Variants in LCK observed in about 807,000 individuals in gnomAD.
LCK encodes the protein tyrosine-protein kinase Lck.
LCK carries 14 observed loss-of-function variants against 64.6 expected under a neutral mutation model. The ratio of observed to expected loss-of-function variants is 0.22; its 90% confidence interval spans 0.14 to 0.34. The LOEUF (loss-of-function observed/expected upper bound fraction) is 0.34, where lower values mean the gene tolerates loss of function less well. Ranked by LOEUF, LCK falls within the 10% of genes least tolerant of loss-of-function variation. LCK has a pLI of 1.00. For missense variants in LCK, 434 were observed against 668.1 expected (o/e 0.65, Z 3.86); for synonymous variants, 277 against 263.6 (o/e 1.05, Z -0.49).
chr1:32,282,617 AACATGGTGAAACCCTGCCTCT>A (rs1640494510), intron 12 of LCK, among the ~76,000 whole-genome samples: 1 of 152,092 alleles, frequency 6.6e-6, no homozygotes, highest in African/African-American at 2.4e-5. Context: ...CAGCCTGGCC[AACATGGTGAAACCCTGCCTCT>A]ACTAAAAATA....
chr1:32,278,562 C>A (rs1640351954), intron 9 of LCK, among the ~76,000 whole-genome samples: 1 of 152,158 alleles, frequency 6.6e-6, no homozygotes. Flanking sequence ...TGGTCTCGAT[C>A]TCCTGTCCTC....
At chr1:32,269,936 G>A (rs1268520541) in intron 1 of LCK, among the ~76,000 whole-genome samples, 1 of 152,154 alleles carries the variant, frequency 6.6e-6, no homozygotes, top group East Asian at 1.9e-4. Flanking sequence ...TGACAGAAGA[G>A]GAAAAGTGAG....
intron 1 of LCK, among the ~76,000 whole-genome samples, chr1:32,267,093 C>T (rs1639945634): frequency 6.6e-6 from 1 of 151,574 alleles, no homozygotes; most frequent in Non-Finnish European, 1.5e-5. Context: ...CAAAACAGCT[C>T]AGCTTATCTG....
intron 1 of LCK, among the ~76,000 whole-genome samples, chr1:32,266,044 C>T (rs561955614): frequency 6.6e-6 from 1 of 152,304 alleles, no homozygotes; most frequent in East Asian, 1.9e-4. Context: ...ACTGCCGCCT[C>T]AACCTCCCAG....
intron 1 of LCK, among the ~76,000 whole-genome samples, chr1:32,258,211 T>C (rs1248368975): frequency 6.9e-6 from 1 of 145,130 alleles, no homozygotes; most frequent in East Asian, 2.0e-4. Flanking sequence ...TGAGCCCAGG[T>C]GGTTGAGGCT....
At chr1:32,280,337 G>A (rs1569968936) in intron 12 of LCK, 127 bp downstream of exon 12, 2 of 1,197,866 alleles carry the variant, frequency 1.7e-6, no homozygotes, top group African/African-American at 3.1e-5. Context: ...TCAGGGGTAT[G>A]AGTCCAACGT....
At chr1:32,279,052 A>G (rs2124366362) in intron 9 of LCK, among the ~76,000 whole-genome samples, 1 of 152,304 alleles carries the variant, frequency 6.6e-6, no homozygotes, top group East Asian at 1.9e-4. Context: ...GGCACCAGGA[A>G]CATGGATGGA....
chr1:32,277,391 G>A (rs975694209), intron 9 of LCK, among the ~76,000 whole-genome samples: 4 of 151,958 alleles, frequency 2.6e-5, no homozygotes, highest in African/African-American at 4.8e-5. Flanking sequence ...TTGATCTCAG[G>A]ATGCTTGATC....
Position 32,275,134 on chromosome 1 carries a change from C to T in LCK, c.278+51C>T. On this transcript the variant is annotated intron_variant, in intron 4 of 12. Coordinates refer to ENST00000336890, the MANE Select transcript of LCK (RefSeq NM_005356.5). This position sits in a 1 kb window ranked among gnomAD's most constrained non-coding sequence, Gnocchi z 6.9. ...GCGGAGTCCGTGAGGGAGCGGCGATCTCCGCGACCCGCAGCCCTCCTGCGG... is the reference window on the plus strand; with the variant it reads ...GCGGAGTCCGTGAGGGAGCGGCGATTTCCGCGACCCGCAGCCCTCCTGCGG... 1.9e-6 allele frequency: 3 copies of T among 1,542,908 alleles called. No homozygotes were observed. The highest frequency in any genetic ancestry group is 2.3e-5 in the East Asian group (1 of 44,300).
At chr1:32,260,847 C>T (rs1395196767) in intron 1 of LCK, among the ~76,000 whole-genome samples, 4 of 152,058 alleles carry the variant, frequency 2.6e-5, no homozygotes, top group Non-Finnish European at 2.9e-5. Flanking sequence ...GTCTTGAACT[C>T]CTGGCCTCGA....
chr1:32,270,169 G>A (rs1049125817), intron 1 of LCK, among the ~76,000 whole-genome samples: 14 of 151,906 alleles, frequency 9.2e-5, no homozygotes, highest in Middle Eastern at 6.9e-3. Context: ...TGAACAGTGC[G>A]GTGGCAGTGG....
In LCK at chr1:32,276,912, C is replaced by A; in HGVS notation, c.964+126C>A. 9.8e-7 allele frequency: 1 copy of A among 1,020,860 alleles called. No individual in the cohort carries two copies. The highest frequency in any genetic ancestry group is 1.4e-6 in the Non-Finnish European group (1 of 736,562). 63.2% of individuals were successfully genotyped at this position (1,020,860 alleles called of 1,614,324 possible). On this transcript the variant is annotated intron_variant, in intron 9 of 12. Coordinates refer to ENST00000336890, the MANE Select transcript of LCK (RefSeq NM_005356.5). This position sits in a 1 kb window ranked among gnomAD's most constrained non-coding sequence, Gnocchi z 4.6. ...AGGAGGGTTTCTTGAGCTTTCCTGC[C>A]CCCTGGAGACTCACCTCCAGCCGGG...
intron 1 of LCK, among the ~76,000 whole-genome samples, chr1:32,254,521 T>C (rs947178931): frequency 3.3e-5 from 5 of 152,234 alleles, no homozygotes; most frequent in African/African-American, 9.6e-5. Context: ...GTTTGTTTTT[T>C]GTTTTTTTGA....
Position 32,279,852 on chromosome 1 carries a change from C to T in LCK, c.1053C>T (p.Gly351=). Reference sequence around the variant, plus strand: ...TGTTTGGCCTGCAGATTGCAGAAGGCATGGCATTCATTGAAGAGCGGAATT... The same window carrying T: ...TGTTTGGCCTGCAGATTGCAGAAGGTATGGCATTCATTGAAGAGCGGAATT... ...LLDMAAQIAE[G]MAFIEERNYI... The change falls in exon 11 of 13, where the codon GGC becomes GGT. Residue 351 remains glycine (G), a synonymous_variant. Coordinates refer to ENST00000336890, the MANE Select transcript of LCK (RefSeq NM_005356.5). The T allele has an allele frequency of 6.2e-7, 1 of 1,614,180 alleles. No individual in the cohort carries two copies. Among genetic ancestry groups the T allele is most frequent in the Non-Finnish European group, 8.5e-7 (1 of 1,180,028 alleles).
intron 1 of LCK, among the ~76,000 whole-genome samples, chr1:32,267,686 G>A (rs902556921): frequency 2.6e-5 from 4 of 151,836 alleles, no homozygotes; most frequent in East Asian, 3.9e-4. Context: ...ACCTGAGGTC[G>A]AGAGATTGAG....
intron 1 of LCK, among the ~76,000 whole-genome samples, chr1:32,262,553 G>T (rs1639804118): frequency 6.6e-6 from 1 of 151,116 alleles, no homozygotes; most frequent in African/African-American, 2.4e-5. Flanking sequence ...CTCCTGAGTA[G>T]CTGGGATTAC....
chr1:32,271,811 A>C (rs1222393506), intron 1 of LCK, among the ~76,000 whole-genome samples: 1 of 152,202 alleles, frequency 6.6e-6, no homozygotes, highest in Non-Finnish European at 1.5e-5. Context: ...CAGACAAATA[A>C]ACTACAGCTT....
chr1:32,273,346 CTGTG>C (rs201778052), intron 1 of LCK, among the ~76,000 whole-genome samples: 8 of 131,616 alleles, frequency 6.1e-5, no homozygotes, highest in African/African-American at 1.7e-4. Context: ...GGGGGTGCCT[CTGTG>C]TGTGTGTGTG....
chr1:32,280,702 G>T (rs1030483938), intron 12 of LCK, among the ~76,000 whole-genome samples: 4 of 151,978 alleles, frequency 2.6e-5, no homozygotes, highest in African/African-American at 9.7e-5. Flanking sequence ...TGATTGGCCT[G>T]CCTCGGCCTC....
Sources: gnomAD v4.1 joint callset for allele counts (sites outside exome capture counted in the v4.1 genomes callset) on GRCh38, gnomAD v4.1.1 for gene constraint, Gnocchi (gnomAD v3.1) non-coding constraint, MANE v1.5 for transcripts, NCBI Gene and HGNC (gene_info 2026-07-23, HGNC 2026-07-21) for gene names.